SLC25A51: variants seen among roughly 807,000 people sequenced by gnomAD.
SLC25A51 encodes mitochondrial nicotinamide adenine dinucleotide transporter SLC25A51.
A neutral mutation model predicts 19.1 loss-of-function variants in SLC25A51; 11 were observed. That is an observed-to-expected ratio of 0.58 (90% CI 0.36 to 0.96). SLC25A51 has a LOEUF of 0.96. Ranked by LOEUF, SLC25A51 falls within the 40% of genes least tolerant of loss-of-function variation. The pLI is 0.01. For synonymous variants in SLC25A51, 105 were observed against 133.6 expected, an observed-to-expected ratio of 0.79 and a Z score of 1.47; for missense variants, 201 against 365.4, an observed-to-expected ratio of 0.55 and a Z score of 3.67.
downstream of SLC25A51, chr9:37,886,098 C>G: frequency 6.7e-7 from 1 of 1,501,314 alleles, no homozygotes; most frequent in Non-Finnish European, 9.3e-7. Flanking sequence ...GGACGCTATA[C>G]TGATGTTAGT....
intron 2 of SLC25A51, among the ~76,000 whole-genome samples, chr9:37,890,522 A>G (rs147650270): frequency 1.0e-3 from 156 of 152,340 alleles, no homozygotes; most frequent in African/African-American, 3.6e-3. Flanking sequence ...TGGGCAACAT[A>G]GTGAGACTCT....
intron 1 of SLC25A51, among the ~76,000 whole-genome samples, chr9:37,900,761 C>T (rs1831829595): frequency 6.6e-6 from 1 of 152,080 alleles, no homozygotes; most frequent in Non-Finnish European, 1.5e-5. Context: ...CTTATGTTCC[C>T]TTTTTTCTTG....
At chr9:37,893,786 G>C (rs765128512) in intron 2 of SLC25A51, among the ~76,000 whole-genome samples, 1 of 152,052 alleles carries the variant, frequency 6.6e-6, no homozygotes, top group Non-Finnish European at 1.5e-5. Context: ...ATTCACAGAA[G>C]AAACGTGTAT....
intron 2 of SLC25A51, among the ~76,000 whole-genome samples, chr9:37,891,600 G>A (rs986270522): frequency 6.6e-6 from 1 of 152,066 alleles, no homozygotes; most frequent in African/African-American, 2.4e-5. Context: ...TCCACTCAGG[G>A]TTAAATGGAT....
chr9:37,892,068 A>T (rs1831604225), intron 2 of SLC25A51, among the ~76,000 whole-genome samples: 1 of 152,202 alleles, frequency 6.6e-6, no homozygotes, highest in Non-Finnish European at 1.5e-5. Context: ...GGTTCAGTGT[A>T]GGATTAATTT....
At chr9:37,898,040 T>C (rs964138707) in intron 2 of SLC25A51, among the ~76,000 whole-genome samples, 10 of 152,226 alleles carry the variant, frequency 6.6e-5, no homozygotes, top group Admixed American at 5.9e-4. Flanking sequence ...ATATTCATTC[T>C]AAGAATTAGT....
intron 1 of SLC25A51, among the ~76,000 whole-genome samples, chr9:37,902,033 A>T (rs995308590): frequency 1.3e-5 from 2 of 152,256 alleles, no homozygotes; most frequent in Admixed American, 1.3e-4. Flanking sequence ...ACATGATTAC[A>T]TGATATTGTG....
chr9:37,892,435 A>G (rs984388078), intron 2 of SLC25A51, among the ~76,000 whole-genome samples: 3 of 152,228 alleles, frequency 2.0e-5, no homozygotes, highest in African/African-American at 7.2e-5. Flanking sequence ...GCAGGGGCAC[A>G]ACGTAGGTAG....
downstream of SLC25A51, among the ~76,000 whole-genome samples, chr9:37,885,453 G>A (rs531911792): frequency 6.6e-6 from 1 of 151,858 alleles, no homozygotes; most frequent in Admixed American, 6.6e-5. Flanking sequence ...CTGTGGCCTG[G>A]AGTTACGACA....
At chr9:37,889,256 C>T (rs1831527841) in intron 2 of SLC25A51, among the ~76,000 whole-genome samples, 1 of 152,190 alleles carries the variant, frequency 6.6e-6, no homozygotes. Flanking sequence ...GCAAGACATG[C>T]ACTCATTCTA....
At chr9:37,885,803 T>A (rs1831441500), downstream of SLC25A51, 2 of 1,603,602 alleles carry the variant, frequency 1.2e-6, no homozygotes, top group Non-Finnish European at 1.7e-6. Flanking sequence ...CCAACGCAAT[T>A]CTTTTCTTCC....
chr9:37,888,381 C>G lies in SLC25A51; in HGVS notation c.170G>C (p.Arg57Pro). 6.2e-7 allele frequency: 1 copy of G among 1,614,160 alleles called. No homozygotes were observed. The highest frequency in any genetic ancestry group is 1.1e-5 in the South Asian group (1 of 91,080). ...GGTTTTGATGCCATACAGCTGTTGT[C>G]GAAAGAGGACCTTCTGAATGGGAAA... ...ITFPIQKVLF[R>P]QQLYGIKTRD... Residue 57 changes from arginine (R) to proline (P), a missense_variant, in exon 3 of 3, where the codon CGA becomes CCA. Physicochemically the swap from Arg to Pro is moderately radical, Grantham distance 103. Transcript: ENST00000242275.
At chr9:37,891,426 G>A (rs1196942801) in intron 2 of SLC25A51, among the ~76,000 whole-genome samples, 7 of 152,256 alleles carry the variant, frequency 4.6e-5, no homozygotes, top group Non-Finnish European at 1.0e-4. Context: ...AGGGGGAAAT[G>A]TGGGGAAAAG....
chr9:37,883,124 C>G (rs1486618069), downstream of SLC25A51, among the ~76,000 whole-genome samples: 2 of 152,226 alleles, frequency 1.3e-5, no homozygotes, highest in African/African-American at 4.8e-5. Context: ...GGATTACAGG[C>G]GTGAGCCACC....
chr9:37,881,866 T>G (rs1831355395), intron 2 of SLC25A51, among the ~76,000 whole-genome samples: 1 of 152,076 alleles, frequency 6.6e-6, no homozygotes, highest in Non-Finnish European at 1.5e-5. Flanking sequence ...AAGCAACTAC[T>G]CAAGCATAAG....
intron 1 of SLC25A51, chr9:37,903,609 T>C (rs1037040567): frequency 6.6e-6 from 1 of 152,310 alleles, no homozygotes; most frequent in African/African-American, 2.4e-5. Context: ...CTCTTCCGTT[T>C]CTGACACTTC....
intron 2 of SLC25A51, among the ~76,000 whole-genome samples, chr9:37,890,932 T>A (rs1007136375): frequency 2.1e-4 from 32 of 152,088 alleles, no homozygotes; most frequent in African/African-American, 7.7e-4. Flanking sequence ...TTCCTTAAGT[T>A]TTTTTTCCCT....
chr9:37,880,458 T>TA (rs1296942494), exon 4 of SLC25A51: 3 of 151,180 alleles, frequency 2.0e-5, no homozygotes, highest in Non-Finnish European at 4.4e-5. Context: ...GTCAGATAAA[T>TA]AGATTTAAGG....
chr9:37,890,516 C>G (rs1037958000), intron 2 of SLC25A51, among the ~76,000 whole-genome samples: 4 of 152,114 alleles, frequency 2.6e-5, no homozygotes, highest in African/African-American at 4.8e-5. Context: ...CCAGCCTGGG[C>G]AACATAGTGA....
Sources: gnomAD v4.1 joint callset for allele counts (sites outside exome capture counted in the v4.1 genomes callset) on GRCh38, gnomAD v4.1.1 for gene constraint, MANE v1.5 for transcripts, NCBI Gene and HGNC (gene_info 2026-07-23, HGNC 2026-07-21) for gene names.